PRORP: variants seen among roughly 807,000 people sequenced by gnomAD.
PRORP encodes protein only RNase P catalytic subunit.
PRORP carries 51 observed loss-of-function variants against 59.4 expected under a neutral mutation model. The observed-to-expected ratio is 0.86, with a 90% CI of 0.69 to 1.08. The LOEUF is 1.08. PRORP is among the 50% of genes least tolerant of loss of function. The pLI, the probability that PRORP is intolerant of heterozygous loss-of-function variation, is 0.00. For synonymous variants in PRORP, 231 were observed against 245.6 expected (o/e 0.94, Z 0.55); for missense variants, 646 against 690.3 (o/e 0.94, Z 0.72).
intron 5 of PRORP, among the ~76,000 whole-genome samples, chr14:35,213,927 A>G (rs1201576241): frequency 6.6e-6 from 1 of 152,244 alleles, no homozygotes; most frequent in East Asian, 1.9e-4. Flanking sequence ...TAGACTTGCT[A>G]AACACAGGAC....
At chr14:35,186,390 A>T (rs1243149580) in intron 5 of PRORP, among the ~76,000 whole-genome samples, 2 of 151,716 alleles carry the variant, frequency 1.3e-5, no homozygotes, top group African/African-American at 4.8e-5. Flanking sequence ...TATATAACAT[A>T]ATATTCACCC....
chr14:35,197,250 T>G (rs1376884029), intron 5 of PRORP, among the ~76,000 whole-genome samples: 1 of 152,148 alleles, frequency 6.6e-6, no homozygotes, highest in African/African-American at 2.4e-5. Flanking sequence ...ATATCTTGCT[T>G]CCATCACAGT....
chr14:35,255,138 GTT>G (rs1254096545), intron 5 of PRORP, among the ~76,000 whole-genome samples: 1 of 151,816 alleles, frequency 6.6e-6, no homozygotes, highest in African/African-American at 2.4e-5. Context: ...TTGTTTTTTT[GTT>G]TTTTTGAGAT....
At chr14:35,196,503 T>G (rs763391213) in intron 5 of PRORP, among the ~76,000 whole-genome samples, 9 of 151,908 alleles carry the variant, frequency 5.9e-5, no homozygotes, top group Non-Finnish European at 8.8e-5. Context: ...TCTCAGAAAA[T>G]AAATATTTTC....
intron 5 of PRORP, among the ~76,000 whole-genome samples, chr14:35,218,196 A>G (rs2049655514): frequency 6.6e-6 from 1 of 152,130 alleles, no homozygotes; most frequent in Non-Finnish European, 1.5e-5. Context: ...ATGGTGGCTC[A>G]TGCATGTAAT....
At chr14:35,166,952 G>T (rs1457244556) in intron 4 of PRORP, among the ~76,000 whole-genome samples, 1 of 152,082 alleles carries the variant, frequency 6.6e-6, no homozygotes, top group Non-Finnish European at 1.5e-5. Flanking sequence ...GACTCATCAG[G>T]ATATTACTCC....
intron 5 of PRORP, among the ~76,000 whole-genome samples, chr14:35,188,716 G>A (rs916004616): frequency 6.6e-6 from 1 of 151,528 alleles, no homozygotes; most frequent in Non-Finnish European, 1.5e-5. Flanking sequence ...CGTGGCTCAC[G>A]CCTGTAATCC....
At chr14:35,175,250 A>C (rs2048418516) in intron 4 of PRORP, among the ~76,000 whole-genome samples, 1 of 152,152 alleles carries the variant, frequency 6.6e-6, no homozygotes, top group African/African-American at 2.4e-5. Flanking sequence ...TCCTTTGGGT[A>C]TATAACCAGT....
intron 4 of PRORP, among the ~76,000 whole-genome samples, chr14:35,168,788 T>C (rs1344600543): frequency 6.6e-6 from 1 of 152,140 alleles, no homozygotes; most frequent in Non-Finnish European, 1.5e-5. Context: ...AGTGATGACT[T>C]TGTATGTTGC....
At chr14:35,230,078 A>G (rs1386501933) in intron 5 of PRORP, among the ~76,000 whole-genome samples, 2 of 134,962 alleles carry the variant, frequency 1.5e-5, no homozygotes, top group Non-Finnish European at 3.0e-5. Context: ...TTTGAGACCA[A>G]GTATCACTCT....
chr14:35,146,131 C>G (rs1382873976), intron 4 of PRORP, among the ~76,000 whole-genome samples: 1 of 152,000 alleles, frequency 6.6e-6, no homozygotes, highest in Non-Finnish European at 1.5e-5. Flanking sequence ...GCACTCAGCC[C>G]CATTTTGAAC....
intron 4 of PRORP, among the ~76,000 whole-genome samples, chr14:35,148,911 ATTTTTTTTTT>A (rs1186320988): frequency 0.012 from 992 of 82,896 alleles, 22 homozygotes; most frequent in African/African-American, 0.046. Context: ...GCACTTTTTA[ATTTTTTTTTT>A]TTTTTTTTTT....
At chr14:35,191,341 A>C (rs2048878863) in intron 5 of PRORP, among the ~76,000 whole-genome samples, 1 of 152,170 alleles carries the variant, frequency 6.6e-6, no homozygotes, top group African/African-American at 2.4e-5. Context: ...GAGGCCTCCC[A>C]AGCCACGTGG....
chr14:35,223,079 G>A (rs1353414307), intron 5 of PRORP, among the ~76,000 whole-genome samples: 1 of 152,122 alleles, frequency 6.6e-6, no homozygotes, highest in Non-Finnish European at 1.5e-5. Flanking sequence ...CTAGCATACT[G>A]TCTTCTTATA....
At chr14:35,235,314 C>T in intron 5 of PRORP, 1 of 692,720 alleles carries the variant, frequency 1.4e-6, no homozygotes, top group Non-Finnish European at 2.7e-6. Flanking sequence ...GTCCTGATAG[C>T]TTCCACCAGC....
chr14:35,133,194 C>T (rs974072828), intron 4 of PRORP, among the ~76,000 whole-genome samples: 8 of 152,158 alleles, frequency 5.3e-5, no homozygotes, highest in Non-Finnish European at 8.8e-5. Flanking sequence ...GATGGGATTA[C>T]GGGCGTGAGC....
chr14:35,181,647 T>G (rs1247007013), intron 5 of PRORP, among the ~76,000 whole-genome samples: 6 of 151,698 alleles, frequency 4.0e-5, no homozygotes, highest in Admixed American at 3.9e-4. Flanking sequence ...TAGTTGGGCA[T>G]GGTGGCATGT....
At chr14:35,252,618 G>C (rs1384399713) in intron 5 of PRORP, among the ~76,000 whole-genome samples, 1 of 152,096 alleles carries the variant, frequency 6.6e-6, no homozygotes, top group African/African-American at 2.4e-5. Flanking sequence ...ACCCTGTCCA[G>C]CTCTCTCTAC....
intron 5 of PRORP, among the ~76,000 whole-genome samples, chr14:35,187,900 T>G (rs2048779553): frequency 6.6e-6 from 1 of 150,982 alleles, no homozygotes; most frequent in South Asian, 2.1e-4. Context: ...CAGGCTGGAG[T>G]GGTGCAGTGG....
Sources: gnomAD v4.1 joint callset for allele counts (sites outside exome capture counted in the v4.1 genomes callset) on GRCh38, gnomAD v4.1.1 for gene constraint, MANE v1.5 for transcripts, NCBI Gene and HGNC (gene_info 2026-07-23, HGNC 2026-07-21) for gene names.